SP2: variants seen among roughly 807,000 people sequenced by gnomAD.
SP2 encodes transcription factor Sp2.
Under a neutral mutation model 50.1 loss-of-function variants are expected in SP2, and 9 were observed. That is an observed-to-expected ratio of 0.18 (90% CI 0.11 to 0.31). The LOEUF is 0.31. Ranked by LOEUF, SP2 falls within the 10% of genes least tolerant of loss-of-function variation. The pLI is 1.00. For synonymous variants in SP2, 313 were observed against 326.6 expected (o/e 0.96, Z 0.45); for missense variants, 581 against 806.5 (o/e 0.72, Z 3.39).
intron 1 of SP2, among the ~76,000 whole-genome samples, chr17:47,902,577 A>G (rs1389159810): frequency 6.6e-6 from 1 of 152,104 alleles, no homozygotes; most frequent in Non-Finnish European, 1.5e-5. Context: ...TTGAAGATAG[A>G]GTGTTTGCTG....
chr17:47,904,229 C>T (rs987520249), intron 1 of SP2, among the ~76,000 whole-genome samples: 4 of 147,222 alleles, frequency 2.7e-5, no homozygotes, highest in African/African-American at 1.0e-4. Flanking sequence ...TGTGGCACTG[C>T]ACTCCAGCCT....
Position 47,916,441 on chromosome 17 carries a change from A to G in SP2, c.370A>G (p.Thr124Ala). The G allele has an allele frequency of 6.2e-7, 1 of 1,614,060 alleles. No individual in the cohort carries two copies. Among genetic ancestry groups the G allele is most frequent in the African/African-American group, 1.3e-5 (1 of 74,996 alleles). ...GAATCCCACCATGATCAACAAAGGG[A>G]CCCGATCAAATGCCAATATCCAGTA... ...IQNPTMINKG[T>A]RSNANIQYQA... The change falls in exon 3 of 7, where the codon ACC becomes GCC. Residue 124 changes from threonine to alanine, a missense_variant. Thr to Ala is a moderately conservative substitution (Grantham distance 58). Around this residue, in one of 2 missense-constraint regions of SP2, gnomAD observed 397 missense variants for 491.0 expected, o/e 0.81. Transcript: ENST00000376741. The surrounding 1 kb of genome is among the most constrained non-coding windows in gnomAD (Gnocchi z 4.7).
intron 3 of SP2, among the ~76,000 whole-genome samples, chr17:47,922,655 A>G (rs1349928910): frequency 2.0e-5 from 3 of 152,062 alleles, no homozygotes; most frequent in African/African-American, 7.2e-5. Flanking sequence ...AACCTGTGTC[A>G]TTTGTTTGAT....
intron 4 of SP2, among the ~76,000 whole-genome samples, chr17:47,923,560 C>CT (rs1403947169): frequency 6.6e-6 from 1 of 152,218 alleles, no homozygotes; most frequent in African/African-American, 2.4e-5. Context: ...AGGAGAAAGC[C>CT]TTGCGTTAAG....
At chr17:47,896,449 T>G in intron 1 of SP2, 156 bp downstream of exon 1, 443 of 469,448 alleles carry the variant, frequency 9.4e-4, no homozygotes, top group Middle Eastern at 3.1e-3. Context: ...GGAGGGAGGA[T>G]TCCCGCCCGG....
chr17:47,896,831 C>T (rs751595395), intron 1 of SP2, among the ~76,000 whole-genome samples: 20 of 152,358 alleles, frequency 1.3e-4, no homozygotes, highest in Middle Eastern at 3.4e-3. Context: ...CACTGCTCGG[C>T]ATCGACGACA....
chr17:47,917,398 G>A (rs969145735), intron 3 of SP2, among the ~76,000 whole-genome samples: 3 of 152,106 alleles, frequency 2.0e-5, no homozygotes. Context: ...GGGATGGTGA[G>A]GGGATAGATA....
chr17:47,902,397 C>T (rs1598101901), intron 1 of SP2, among the ~76,000 whole-genome samples: 1 of 152,234 alleles, frequency 6.6e-6, no homozygotes, highest in Admixed American at 6.5e-5. Flanking sequence ...AGAGAAATAA[C>T]ATGGTTTCAT....
chr17:47,899,773 TCTC>T (rs2034467523), intron 1 of SP2: 2 of 152,210 alleles, frequency 1.3e-5, no homozygotes, highest in Non-Finnish European at 2.9e-5. Context: ...ATACTGTGCT[TCTC>T]ATCAGACTGG....
intron 4 of SP2, among the ~76,000 whole-genome samples, chr17:47,924,222 G>C (rs1405349448): frequency 6.6e-6 from 1 of 152,034 alleles, no homozygotes; most frequent in African/African-American, 2.4e-5. Context: ...TGCAGCCTCA[G>C]CCTCCTGGGC....
In SP2 at chr17:47,896,237, G is replaced by A. The variant is rs760428766; in HGVS notation, c.-50G>A. 5.6e-6 allele frequency: 7 copies of A among 1,239,028 alleles called. No individual in the cohort carries two copies. Among genetic ancestry groups the A allele is most frequent in the African/African-American group, 1.6e-5 (1 of 64,516 alleles). The allele number at this position is 1,239,028 out of a possible 1,614,324, so 76.8% of individuals were successfully genotyped here. Reference sequence around the variant, plus strand: ...GGCGGTTGCTTGGCGGGCGGTGTCAGGCTCTCGGTGGCGGCGGAGGCGGCG... The same window carrying A: ...GGCGGTTGCTTGGCGGGCGGTGTCAAGCTCTCGGTGGCGGCGGAGGCGGCG... On this transcript the variant is annotated 5_prime_UTR_variant, in exon 1 of 7. Coordinates refer to ENST00000376741, the MANE Select transcript of SP2 (RefSeq NM_003110.6).
intron 1 of SP2, among the ~76,000 whole-genome samples, chr17:47,902,478 A>G (rs571402473): frequency 6.6e-6 from 1 of 152,304 alleles, no homozygotes; most frequent in Admixed American, 6.5e-5. Flanking sequence ...AAGCACAGCT[A>G]GGAGGTTAAT....
At position 47,916,041 on chromosome 17, in the gene SP2, C is replaced by A; in HGVS notation, c.85-115C>A. 2 of 1,276,070 alleles carry A rather than the reference C, an allele frequency of 1.6e-6. No individual in the cohort carries two copies. Among genetic ancestry groups the A allele is most frequent in the Non-Finnish European group, 2.2e-6 (2 of 925,208 alleles). 79.0% of individuals were successfully genotyped at this position (1,276,070 alleles called of 1,614,324 possible). A position where few individuals can be genotyped will look rare whatever the true frequency, so the allele number is the denominator to read the frequency against. On this transcript the variant is annotated intron_variant, in intron 2 of 6. Coordinates refer to ENST00000376741, the MANE Select transcript of SP2 (RefSeq NM_003110.6). The surrounding 1 kb of genome is among the most constrained non-coding windows in gnomAD (Gnocchi z 4.7). ...GGGAGGGTACTGGCAACATGCCTGC[C>A]CCGGAGGTGGGGAAGACTGGCGTGG...
chr17:47,924,779 TAA>T, intron 4 of SP2, 138 bp from the exon 5 acceptor site: 1 of 716,896 alleles, frequency 1.4e-6, no homozygotes, highest in African/African-American at 1.8e-5. Flanking sequence ...CAAAGGTCCT[TAA>T]AATGATATCC....
rs1363015405 is a variant in SP2 at position 47,928,483 on chromosome 17, A to C, written c.*659A>C. 6.5e-6 allele frequency: 1 copy of C among 152,712 alleles called. No individual in the cohort carries two copies. The highest frequency in any genetic ancestry group is 2.4e-5 in the African/African-American group (1 of 41,450). The allele number at this position is 152,712 out of a possible 1,614,324, so 9.5% of individuals were successfully genotyped here. On this transcript the variant is annotated 3_prime_UTR_variant, in exon 7 of 7. Transcript: ENST00000376741. ...TGTGTGCTTTAAAGAAGTTTTATTT[A>C]ATTGCTCCCTTCTTCCTTTCCTTGT...
chr17:47,899,264 G>A (rs966072423), intron 1 of SP2: 1 of 152,210 alleles, frequency 6.6e-6, no homozygotes, highest in Non-Finnish European at 1.5e-5. Context: ...TCTCTTAGGA[G>A]ACCTTGGGGT....
intron 4 of SP2, 97 bp downstream of exon 4, chr17:47,923,371 G>A: frequency 2.0e-6 from 2 of 1,000,162 alleles, no homozygotes; most frequent in Non-Finnish European, 2.9e-6. Context: ...TAACAATAGT[G>A]AGGATGCTGT....
intron 6 of SP2, 133 bp downstream of exon 6, chr17:47,925,674 C>T: frequency 1.5e-6 from 1 of 661,404 alleles, no homozygotes; most frequent in Non-Finnish European, 2.6e-6. Flanking sequence ...TACAGACTAT[C>T]TAGGGACGAC....
chr17:47,918,119 T>C (rs1442824880), intron 3 of SP2, among the ~76,000 whole-genome samples: 3 of 152,148 alleles, frequency 2.0e-5, no homozygotes, highest in Admixed American at 6.6e-5. Context: ...GAGGAGTTTT[T>C]TTTTTTTTAA....
Sources: allele counts gnomAD v4.1 joint callset (sites outside exome capture counted in the v4.1 genomes callset), GRCh38; gene constraint gnomAD v4.1.1; regional missense constraint gnomAD v4.1.1; non-coding constraint Gnocchi (gnomAD v3.1); transcripts MANE v1.5; gene names NCBI Gene and HGNC (gene_info 2026-07-23, HGNC 2026-07-21).